The following SLC2A9 variants were observed in gnomAD, a reference collection of about 807,000 sequenced individuals.
The protein encoded by SLC2A9 is solute carrier family 2, facilitated glucose transporter member 9.
SLC2A9 carries 39 observed loss-of-function variants against 50.6 expected under a neutral mutation model. The observed-to-expected ratio is 0.77, with a 90% confidence interval of 0.60 to 1.01. SLC2A9 has a LOEUF of 1.01. SLC2A9 is among the 50% of genes least tolerant of loss of function. The probability of loss-of-function intolerance (pLI) is 0.00; values close to 1 mark genes in which losing one functional copy is unlikely to be tolerated. For missense variants in SLC2A9, 686 were observed against 677.6 expected (o/e 1.01, Z -0.14); for synonymous variants, 324 against 276.9 (o/e 1.17, Z -1.69).
intron 5 of SLC2A9, among the ~76,000 whole-genome samples, chr4:9,975,992 A>G (rs933569106): frequency 6.6e-6 from 1 of 152,234 alleles, no homozygotes; most frequent in Non-Finnish European, 1.5e-5. Flanking sequence ...GAAATAACAC[A>G]GGAACAGAAA....
intron 10 of SLC2A9, among the ~76,000 whole-genome samples, chr4:9,860,740 A>G (rs1731480552): frequency 6.6e-6 from 1 of 152,220 alleles, no homozygotes; most frequent in Non-Finnish European, 1.5e-5. Context: ...ATGGAGCCCA[A>G]ATATGAGTAT....
chr4:9,836,737 C>T (rs1438046123), intron 10 of SLC2A9, among the ~76,000 whole-genome samples: 2 of 152,226 alleles, frequency 1.3e-5, no homozygotes, highest in Non-Finnish European at 2.9e-5. Context: ...ACAGAGGTCA[C>T]TGCTCTTTGG....
chr4:9,877,185 CA>C (rs994272490), intron 10 of SLC2A9, among the ~76,000 whole-genome samples: 5 of 152,192 alleles, frequency 3.3e-5, no homozygotes, highest in African/African-American at 1.2e-4. Context: ...GGGGTGAGGC[CA>C]AGGCCACGGA....
At chr4:10,035,012 G>T (rs549475739) in intron 1 of SLC2A9, 1 of 152,226 alleles carries the variant, frequency 6.6e-6, no homozygotes, top group East Asian at 1.9e-4. Context: ...TCCACCATCA[G>T]TCTCAGCAAA....
At chr4:9,778,812 T>TTTTC (rs1215618084), downstream of SLC2A9, among the ~76,000 whole-genome samples, 1 of 152,186 alleles carries the variant, frequency 6.6e-6, no homozygotes, top group African/African-American at 2.4e-5. Context: ...GTTTCTTTTT[T>TTTTC]TTTCTTTCTT....
At chr4:9,935,067 T>A (rs1746819335) in intron 6 of SLC2A9, among the ~76,000 whole-genome samples, 1 of 152,222 alleles carries the variant, frequency 6.6e-6, no homozygotes, top group Non-Finnish European at 1.5e-5. Flanking sequence ...TTGATGGGCA[T>A]TTGGATTGGT....
chr4:9,885,704 G>A (rs1736080098), intron 10 of SLC2A9, among the ~76,000 whole-genome samples: 1 of 152,192 alleles, frequency 6.6e-6, no homozygotes, highest in Admixed American at 6.5e-5. Flanking sequence ...TCCTTTCATG[G>A]AGCTTATTTT....
chr4:10,011,486 AG>A (rs1202484437), intron 2 of SLC2A9, among the ~76,000 whole-genome samples: 1 of 152,228 alleles, frequency 6.6e-6, no homozygotes, highest in African/African-American at 2.4e-5. Flanking sequence ...AGCAGGTTCC[AG>A]GCACTGCAAC....
intron 7 of SLC2A9, among the ~76,000 whole-genome samples, chr4:9,909,381 G>T (rs777732975): frequency 2.0e-5 from 3 of 152,118 alleles, no homozygotes; most frequent in Non-Finnish European, 4.4e-5. Flanking sequence ...ACCAGCCCTC[G>T]CAACTTATTT....
At chr4:9,924,926 C>A (rs1219007224) in intron 6 of SLC2A9, among the ~76,000 whole-genome samples, 2 of 152,220 alleles carry the variant, frequency 1.3e-5, no homozygotes, top group African/African-American at 4.8e-5. Flanking sequence ...CCTCTCCCCA[C>A]TGGGCTCATT....
chr4:9,908,789 T>C (rs1741164333), intron 7 of SLC2A9, among the ~76,000 whole-genome samples: 1 of 152,182 alleles, frequency 6.6e-6, no homozygotes, highest in South Asian at 2.1e-4. Context: ...TTCCCAGTTT[T>C]CTTGCAGCCA....
intron 2 of SLC2A9, among the ~76,000 whole-genome samples, chr4:10,016,507 T>TA (rs1762633570): frequency 6.6e-6 from 1 of 152,156 alleles, no homozygotes; most frequent in Non-Finnish European, 1.5e-5. Context: ...GCTGCCATAA[T>TA]ATGTGTCACT....
At chr4:9,919,444 G>A (rs1311602135) in intron 7 of SLC2A9, among the ~76,000 whole-genome samples, 1 of 152,136 alleles carries the variant, frequency 6.6e-6, no homozygotes, top group Non-Finnish European at 1.5e-5. Context: ...TTCCTTCTCT[G>A]GACAGGAATG....
At chr4:9,925,277 C>A (rs1744697074) in intron 6 of SLC2A9, among the ~76,000 whole-genome samples, 1 of 152,200 alleles carries the variant, frequency 6.6e-6, no homozygotes, top group Non-Finnish European at 1.5e-5. Context: ...TTCCCTGCCC[C>A]CATGATGGCT....
At chr4:9,891,892 GC>G (rs1479816235) in intron 8 of SLC2A9, among the ~76,000 whole-genome samples, 2 of 152,210 alleles carry the variant, frequency 1.3e-5, no homozygotes, top group Non-Finnish European at 2.9e-5. Context: ...GCTGCTGAGG[GC>G]CATGAAGCCA....
intron 10 of SLC2A9, among the ~76,000 whole-genome samples, chr4:9,848,839 G>T (rs1357040657): frequency 6.6e-6 from 1 of 151,998 alleles, no homozygotes; most frequent in East Asian, 1.9e-4. Context: ...CGAGTAGCTG[G>T]GACTACAGGC....
At chr4:9,782,250 A>G in intron 3 of SLC2A9, 2 of 1,613,628 alleles carry the variant, frequency 1.2e-6, no homozygotes, top group Non-Finnish European at 8.5e-7. Context: ...CTGCGCGCCA[A>G]CATGACCAAC....
At chr4:9,921,850 G>A (rs1329834430) in intron 6 of SLC2A9, among the ~76,000 whole-genome samples, 2 of 151,852 alleles carry the variant, frequency 1.3e-5, no homozygotes, top group East Asian at 3.9e-4. Context: ...AGACTTCTGG[G>A]GTAGAAAACT....
intron 2 of SLC2A9, among the ~76,000 whole-genome samples, chr4:9,999,190 G>A (rs1759323047): frequency 6.6e-6 from 1 of 151,586 alleles, no homozygotes; most frequent in South Asian, 2.1e-4. Flanking sequence ...TGAGACAGAC[G>A]ACTACAGGTA....
Sources: allele counts gnomAD v4.1 joint callset (sites outside exome capture counted in the v4.1 genomes callset), GRCh38; gene constraint gnomAD v4.1.1; transcripts MANE v1.5; gene names NCBI Gene and HGNC (gene_info 2026-07-23, HGNC 2026-07-21).